Variants in TTC21B observed in about 807,000 individuals in gnomAD.
TTC21B encodes tetratricopeptide repeat protein 21B.
A neutral mutation model predicts 175.1 loss-of-function variants in TTC21B; 127 were observed. The ratio of observed to expected loss-of-function variants is 0.73; its 90% CI spans 0.63 to 0.84. The LOEUF is 0.84. Ranked by LOEUF, TTC21B falls within the 40% of genes least tolerant of loss-of-function variation. The probability of loss-of-function intolerance (pLI) is 0.00; values close to 1 mark genes in which losing one functional copy is unlikely to be tolerated. For missense variants in TTC21B, 1,561 were observed against 1,558.3 expected, an observed-to-expected ratio of 1.00 and a Z score of -0.03; for synonymous variants, 524 against 524.5, an observed-to-expected ratio of 1.00 and a Z score of 0.01.
chr2:165,915,287 C>T lies in TTC21B; in HGVS notation c.2052G>A (p.Gln684=), dbSNP rs898008246. ...TTTCTCTGGCCTCTATAAAATAAGG[C>T]TGTTCGGCTGTAACATTCTGAAGGA... ...LSILQNVTAE[Q]PYFIEAREKM... Residue 684 remains glutamine (Q), a synonymous_variant, in exon 15 of 29, where the codon CAG becomes CAA. Coordinates refer to ENST00000243344, the MANE Select transcript of TTC21B (RefSeq NM_024753.5). 6.2e-7 allele frequency: 1 copy of T among 1,614,050 alleles called. No individual in the cohort carries two copies.
intron 11 of TTC21B, among the ~76,000 whole-genome samples, chr2:165,926,204 A>G (rs1304752834): frequency 6.6e-6 from 1 of 152,222 alleles, no homozygotes; most frequent in Non-Finnish European, 1.5e-5. Flanking sequence ...AAAGGAAAAT[A>G]GGATGTCCAT....
intron 4 of TTC21B, among the ~76,000 whole-genome samples, chr2:165,945,138 T>C (rs1687503608): frequency 6.6e-6 from 1 of 152,216 alleles, no homozygotes. Context: ...GCAAAGTTTA[T>C]GTATTATTTT....
intron 26 of TTC21B, 106 bp from the exon 27 acceptor site, chr2:165,880,905 A>G: frequency 8.1e-7 from 1 of 1,232,096 alleles, no homozygotes; most frequent in South Asian, 1.3e-5. Context: ...TTAAATGACA[A>G]ATCAAACAAT....
chr2:165,947,532 T>C (rs1037679293), intron 3 of TTC21B: 4 of 151,732 alleles, frequency 2.6e-5, no homozygotes, highest in Non-Finnish European at 5.9e-5. Context: ...ACAGCCATGA[T>C]ACAGAAACAG....
At position 165,888,344 on chromosome 2, in the gene TTC21B, C is replaced by A; in HGVS notation, c.3394G>T (p.Ala1132Ser). The change falls in exon 25 of 29, where the codon GCT becomes TCT. Residue 1132 changes from alanine (A) to serine (S), a missense_variant. Physicochemically the swap from Ala to Ser is moderately conservative, Grantham distance 99. Coordinates refer to ENST00000243344, the MANE Select transcript of TTC21B (RefSeq NM_024753.5). ...TCAACATTAGATTTCTGTTTGGTAGCCATTAAGCAATAGTTTTCCATTATG... is the reference window on the plus strand; with the variant it reads ...TCAACATTAGATTTCTGTTTGGTAGACATTAAGCAATAGTTTTCCATTATG... ...LRIMENYCLMATKQKSNVEQA... is the reference protein window; with the variant it reads ...LRIMENYCLMSTKQKSNVEQA... 1 of 1,613,866 alleles carries A rather than the reference C, an allele frequency of 6.2e-7. No homozygotes were observed. Among genetic ancestry groups the A allele is most frequent in the Non-Finnish European group, 8.5e-7 (1 of 1,179,840 alleles).
At chr2:165,933,413 G>A (rs1340167457) in intron 6 of TTC21B, among the ~76,000 whole-genome samples, 1 of 151,830 alleles carries the variant, frequency 6.6e-6, no homozygotes, top group Admixed American at 6.6e-5. Flanking sequence ...TGCAAACCAG[G>A]GTCAAACATT....
chr2:165,891,028 T>C (rs763274500), intron 22 of TTC21B, 40 bp from the exon 23 acceptor site: 5 of 1,524,450 alleles, frequency 3.3e-6, no homozygotes, highest in African/African-American at 1.4e-5. Context: ...CACCATTTTA[T>C]ACTGTTTCTT....
chr2:165,931,376 C>G (rs1462715765), intron 8 of TTC21B, among the ~76,000 whole-genome samples: 1 of 151,984 alleles, frequency 6.6e-6, no homozygotes, highest in Non-Finnish European at 1.5e-5. Flanking sequence ...AAATAAGATA[C>G]CAACCATTCC....
intron 20 of TTC21B, 123 bp downstream of exon 20, chr2:165,901,599 A>G: frequency 1.1e-6 from 1 of 919,064 alleles, no homozygotes; most frequent in South Asian, 1.4e-5. Context: ...CTGGGATTAT[A>G]GGCATCAGCC....
intron 18 of TTC21B, among the ~76,000 whole-genome samples, chr2:165,909,807 G>T (rs1475260391): frequency 6.6e-6 from 1 of 152,020 alleles, no homozygotes; most frequent in Admixed American, 6.6e-5. Flanking sequence ...AGATACAGTG[G>T]AATACTCTAC....
In TTC21B at chr2:165,919,493, G is replaced by C. The variant is rs1484119188; in HGVS notation, c.1517-60C>G. ...ATGATTAAGAAATGGAGATCTGAGA[G>C]GGAAGAGGAAGAAGAGTGTTTAGTT... On this transcript the variant is annotated intron_variant, in intron 12 of 28. Coordinates refer to ENST00000243344, the MANE Select transcript of TTC21B (RefSeq NM_024753.5). The C allele has an allele frequency of 3.8e-6, 6 of 1,569,396 alleles. No homozygotes were observed. In the African/African-American group the frequency reaches 8.1e-5, roughly 21 times the overall value.
chr2:165,949,638 A>T lies in TTC21B; in HGVS notation c.108T>A (p.Asp36Glu). ...ASEGIKRYGS[D>E]PVFRFYHAYG... The stretch of plus-strand genomic sequence containing the variant: ...AGGCATGATAAAACCTGAAGACTGG[A>T]TCACTTCCATACCTCTTAATTCCTT... Residue 36 changes from aspartate (D) to glutamate (E), a missense_variant, in exon 2 of 29, where the codon GAT becomes GAA. Transcript: ENST00000243344. 6.2e-7 allele frequency: 1 copy of T among 1,613,648 alleles called. No homozygotes were observed. Among genetic ancestry groups the T allele is most frequent in the South Asian group, 1.1e-5 (1 of 91,074 alleles).
chr2:165,920,973 A>C lies in TTC21B; in HGVS notation c.1517-1540T>G, dbSNP rs184341231. Among the ~76,000 whole-genome samples, 361 of 152,194 alleles carry C rather than the reference A, an allele frequency of 2.4e-3. 5 individuals carry two copies. Among genetic ancestry groups the C allele is most frequent in the Non-Finnish European group, 2.9e-4 (20 of 68,012 alleles). ...TCTTTGTCAGAATTCTGGGTAATAA[A>C]GCATTTGGCTGACGTTTGTCTTGGG... On this transcript the variant is annotated intron_variant, in intron 12 of 28. Transcript: ENST00000243344.
intron 1 of TTC21B, among the ~76,000 whole-genome samples, chr2:165,953,389 C>T (rs1319552253): frequency 6.6e-6 from 1 of 152,234 alleles, no homozygotes; most frequent in Non-Finnish European, 1.5e-5. Context: ...ATAGGTAACC[C>T]AAGCTTTCCT....
At chr2:165,943,865 G>A (rs548692762) in intron 4 of TTC21B, among the ~76,000 whole-genome samples, 1 of 152,202 alleles carries the variant, frequency 6.6e-6, no homozygotes, top group Admixed American at 6.5e-5. Flanking sequence ...ATAAACTGAA[G>A]AACTCATGGA....
intron 17 of TTC21B, 80 bp downstream of exon 17, chr2:165,912,434 T>C (rs1685986047): frequency 2.8e-6 from 3 of 1,085,202 alleles, no homozygotes; most frequent in South Asian, 1.2e-5. Context: ...AAGATGCAAA[T>C]GGTGCTCGCT....
intron 13 of TTC21B, among the ~76,000 whole-genome samples, chr2:165,917,737 G>C (rs1194013192): frequency 6.6e-6 from 1 of 152,200 alleles, no homozygotes; most frequent in African/African-American, 2.4e-5. Flanking sequence ...AGAAGAGAAA[G>C]TGCAAACAAG....
At chr2:165,904,615 C>T (rs1685669348) in intron 19 of TTC21B, among the ~76,000 whole-genome samples, 1 of 152,204 alleles carries the variant, frequency 6.6e-6, no homozygotes, top group Non-Finnish European at 1.5e-5. Context: ...AGGACTGAGG[C>T]ATCTGCATTC....
chr2:165,882,230 T>C (rs1684861847), intron 26 of TTC21B, among the ~76,000 whole-genome samples: 1 of 152,162 alleles, frequency 6.6e-6, no homozygotes, highest in African/African-American at 2.4e-5. Flanking sequence ...TCTTCATTAA[T>C]TAGCTGGAAA....
Sources: allele counts gnomAD v4.1 joint callset (sites outside exome capture counted in the v4.1 genomes callset), GRCh38; gene constraint gnomAD v4.1.1; transcripts MANE v1.5; gene names NCBI Gene and HGNC (gene_info 2026-07-23, HGNC 2026-07-21).